Variants in UMAD1 observed in about 807,000 individuals in gnomAD.
UMAD1 encodes UBAP1-MVB12-associated (UMA) domain containing 1, also known as UBAP1-MVB12-associated (UMA)-domain containing protein 1.
A neutral mutation model predicts 6.1 loss-of-function variants in UMAD1; 8 were observed. The ratio of observed to expected loss-of-function variants is 1.30; its 90% CI spans 0.76 to 2.35. UMAD1 has a LOEUF of 2.35. UMAD1 is among the 30% of genes most tolerant of loss of function. The probability of loss-of-function intolerance (pLI) is 0.00; values close to 1 mark genes in which losing one functional copy is unlikely to be tolerated. For missense variants in UMAD1, 130 were observed against 78.4 expected (o/e 1.66, Z -2.49); for synonymous variants, 56 against 31.4 (o/e 1.78, Z -2.61).
At chr7:7,814,970 T>C (rs4725036) in intron 3 of UMAD1, among the ~76,000 whole-genome samples, 95,218 of 152,034 alleles carry the variant, frequency 0.63, 29,933 homozygotes, top group African/African-American at 0.69. Flanking sequence ...CTTGCAAGTC[T>C]CACTACTTGT....
At chr7:7,827,590 G>T (rs905499441) in intron 3 of UMAD1, among the ~76,000 whole-genome samples, 1 of 152,056 alleles carries the variant, frequency 6.6e-6, no homozygotes, top group Non-Finnish European at 1.5e-5. Context: ...ACCAACTAAA[G>T]ATAACTTTTG....
Position 7,678,838 on chromosome 7 carries a change from T to C in UMAD1, c.82+5385T>C, listed in dbSNP as rs181446156. ...TATTTAGTTTATAAACATATATTTA[T>C]ATATTTAGTTTATAAACATATATTT... is the stretch of plus-strand genomic sequence containing the variant. On this transcript the variant is annotated intron_variant, in intron 2 of 3. Transcript: ENST00000682710. Among the ~76,000 whole-genome samples the C allele has an allele frequency of 1.1e-4, 3 of 26,290 alleles. 1 individual carries two copies. Among genetic ancestry groups the C allele is most frequent in the African/African-American group, 3.8e-4 (2 of 5,304 alleles). 17.2% of individuals were successfully genotyped at this position (26,290 alleles called of 152,430 possible). A position where few individuals can be genotyped will look rare whatever the true frequency, so the allele number is the denominator to read the frequency against.
At chr7:7,743,951 G>A (rs193021522) in intron 2 of UMAD1, among the ~76,000 whole-genome samples, 2 of 151,786 alleles carry the variant, frequency 1.3e-5, no homozygotes, top group East Asian at 1.9e-4. Context: ...TAACATTAAC[G>A]TAAAGTGTAC....
intron 2 of UMAD1, among the ~76,000 whole-genome samples, chr7:7,770,620 G>T (rs1474494344): frequency 6.6e-6 from 1 of 152,124 alleles, no homozygotes; most frequent in African/African-American, 2.4e-5. Context: ...AGACAAGTTT[G>T]AAAGGCATCT....
intron 1 of UMAD1, among the ~76,000 whole-genome samples, chr7:7,643,888 G>A (rs547164314): frequency 6.6e-6 from 1 of 152,098 alleles, no homozygotes; most frequent in Admixed American, 6.5e-5. Context: ...ACTTGCCTGG[G>A]TCTCTGTTTC....
intron 2 of UMAD1, among the ~76,000 whole-genome samples, chr7:7,694,973 A>T (rs942919834): frequency 2.0e-5 from 3 of 152,156 alleles, no homozygotes; most frequent in Admixed American, 6.6e-5. Context: ...ACTGTTCTCC[A>T]TAGTGGTTGT....
At chr7:7,835,082 G>T (rs894645238) in intron 3 of UMAD1, among the ~76,000 whole-genome samples, 21 of 152,284 alleles carry the variant, frequency 1.4e-4, no homozygotes, top group African/African-American at 5.1e-4. Context: ...ACAGTTCGAG[G>T]TGAGATTTGG....
chr7:7,771,685 G>A (rs1782106510), intron 2 of UMAD1, among the ~76,000 whole-genome samples: 1 of 152,146 alleles, frequency 6.6e-6, no homozygotes. Flanking sequence ...ATCTTCTTAA[G>A]GGCAGGGATA....
At chr7:7,706,281 T>C (rs1583757911) in intron 2 of UMAD1, among the ~76,000 whole-genome samples, 1 of 152,252 alleles carries the variant, frequency 6.6e-6, no homozygotes, top group East Asian at 1.9e-4. Flanking sequence ...TATCTGTTGG[T>C]ACAGATTTTG....
In UMAD1 at chr7:7,800,546, C is replaced by T. The variant is rs148147259; in HGVS notation, c.83-1124C>T. Among the ~76,000 whole-genome samples, 14 of 152,086 alleles carry T rather than the reference C, an allele frequency of 9.2e-5. No homozygotes were observed. In the East Asian group the frequency reaches 2.5e-3, roughly 27 times the overall value. On this transcript the variant is annotated intron_variant, in intron 2 of 3. Transcript: ENST00000682710. ...GATTTTGGTGCACCCATCACCTGAG[C>T]GGTGTACACTATACCCAAAGTATAG...
At chr7:7,792,639 C>T (rs1583828534) in intron 2 of UMAD1, among the ~76,000 whole-genome samples, 2 of 152,220 alleles carry the variant, frequency 1.3e-5, no homozygotes, top group African/African-American at 4.8e-5. Flanking sequence ...CCTCACAATG[C>T]TGCCAGAGCA....
intron 3 of UMAD1, among the ~76,000 whole-genome samples, chr7:7,868,169 TA>T (rs1784267259): frequency 6.6e-6 from 1 of 152,194 alleles, no homozygotes; most frequent in Non-Finnish European, 1.5e-5. Context: ...TATGAATTTC[TA>T]TAAAGCAACT....
intron 3 of UMAD1, among the ~76,000 whole-genome samples, chr7:7,855,821 C>T (rs977720866): frequency 6.6e-6 from 1 of 152,170 alleles, no homozygotes; most frequent in African/African-American, 2.4e-5. Flanking sequence ...AAACTTTATG[C>T]TCTGCCACCT....
chr7:7,757,924 T>C (rs1781809679), intron 2 of UMAD1, among the ~76,000 whole-genome samples: 1 of 152,150 alleles, frequency 6.6e-6, no homozygotes, highest in African/African-American at 2.4e-5. Flanking sequence ...TCCTATCTTC[T>C]TATGGTTTGT....
At chr7:7,648,887 G>A (rs1328902920) in intron 1 of UMAD1, among the ~76,000 whole-genome samples, 4 of 149,482 alleles carry the variant, frequency 2.7e-5, no homozygotes, top group African/African-American at 9.9e-5. Context: ...GGCCGGGCGC[G>A]GTCGCTCACA....
chr7:7,765,829 T>C (rs1309873961), intron 2 of UMAD1, among the ~76,000 whole-genome samples: 1 of 152,222 alleles, frequency 6.6e-6, no homozygotes, highest in Non-Finnish European at 1.5e-5. Flanking sequence ...AGCATATATC[T>C]ATCTGGTTTT....
chr7:7,686,411 G>GT (rs1479035751), intron 2 of UMAD1, among the ~76,000 whole-genome samples: 4 of 151,914 alleles, frequency 2.6e-5, no homozygotes, highest in African/African-American at 9.7e-5. Context: ...TATGGGTTTT[G>GT]TTTTTTTGTA....
At chr7:7,686,996 A>G (rs559718850) in intron 2 of UMAD1, among the ~76,000 whole-genome samples, 1 of 152,302 alleles carries the variant, frequency 6.6e-6, no homozygotes, top group South Asian at 2.1e-4. Flanking sequence ...AGGATAGCTG[A>G]AGAGTGAAGT....
rs576905041 is a variant in UMAD1 at position 7,649,479 on chromosome 7, A to G, written c.-64+8658A>G. ...TCTCAACACTGTTGCATTGGCAATT[A>G]AGTTTCTAACACATGAACTTTGGGG... On this transcript the variant is annotated intron_variant, in intron 1 of 3. Transcript: ENST00000682710. Among the ~76,000 whole-genome samples the G allele has an allele frequency of 2.0e-5, 3 of 152,350 alleles. No homozygotes were observed. The South Asian group carries it at 6.2e-4, about 32-fold the overall frequency.
Sources: gnomAD v4.1 joint callset for allele counts (sites outside exome capture counted in the v4.1 genomes callset) on GRCh38, gnomAD v4.1.1 for gene constraint, MANE v1.5 for transcripts, NCBI Gene and HGNC (gene_info 2026-07-23, HGNC 2026-07-21) for gene names.